REPS2: variants seen among roughly 807,000 people sequenced by gnomAD.
The protein encoded by REPS2 is ralBP1-associated Eps domain-containing protein 2.
Under a neutral mutation model 53.6 loss-of-function variants are expected in REPS2, and 23 were observed. The ratio of observed to expected loss-of-function variants is 0.43; its 90% confidence interval spans 0.31 to 0.61. The LOEUF (loss-of-function observed/expected upper bound fraction) is 0.61. Ranked by LOEUF, REPS2 falls within the 20% of genes least tolerant of loss-of-function variation. The pLI is 0.11. For synonymous variants in REPS2, 238 were observed against 218.6 expected (o/e 1.09, Z -0.78); for missense variants, 446 against 534.9 (o/e 0.83, Z 1.64).
At chrX:16,997,861 A>G (rs1009496789) in intron 1 of REPS2, among the ~76,000 whole-genome samples, 7 of 111,788 alleles carry the variant, frequency 6.3e-5, no homozygotes, top group African/African-American at 2.3e-4. Context: ...TGAGTATAGA[A>G]TTTCTTTGAA....
downstream of REPS2, among the ~76,000 whole-genome samples, chrX:17,157,451 T>G (rs2063622494): frequency 8.9e-6 from 1 of 112,262 alleles, no homozygotes. Context: ...CCCTTACTGT[T>G]TCCATTATGG....
the REPS2 span, among the ~76,000 whole-genome samples, chrX:17,158,407 C>T: frequency 9.0e-6 from 1 of 110,938 alleles, no homozygotes; most frequent in Non-Finnish European, 1.9e-5. Context: ...AATTGGATAT[C>T]CACATGGAAA....
intron 5 of REPS2, 22 bp from the exon 6 acceptor site, chrX:17,047,325 A>G (rs1203398567): frequency 2.5e-6 from 3 of 1,205,466 alleles, no homozygotes; most frequent in African/African-American, 3.5e-5. Context: ...CTGAGCATTT[A>G]CTTTTTAATT....
At chrX:17,085,784 T>G (rs2062525987) in intron 13 of REPS2, among the ~76,000 whole-genome samples, 1 of 111,939 alleles carries the variant, frequency 8.9e-6, no homozygotes, top group South Asian at 3.7e-4. Context: ...CATATTATTT[T>G]GAAGCAAATC....
At chrX:17,048,049 C>G (rs112353148) in intron 6 of REPS2, among the ~76,000 whole-genome samples, 2,910 of 112,435 alleles carry the variant, frequency 0.026, 100 homozygotes, top group African/African-American at 0.091. Flanking sequence ...AATTCAAGCT[C>G]AGAGGAACTG....
chrX:17,134,235 T>C (rs2063331856), intron 15 of REPS2, among the ~76,000 whole-genome samples: 1 of 112,012 alleles, frequency 8.9e-6, no homozygotes, highest in African/African-American at 3.2e-5. Context: ...GCTAAGCCTC[T>C]GTGAATACCT....
At chrX:17,146,122 A>G (rs1687200015) in intron 17 of REPS2, among the ~76,000 whole-genome samples, 1 of 107,815 alleles carries the variant, frequency 9.3e-6, no homozygotes, top group Non-Finnish European at 1.9e-5. Context: ...AAAAAAAAAA[A>G]AAAGAAAGAA....
chrX:17,050,141 C>CCTTT (rs774556038), intron 6 of REPS2, among the ~76,000 whole-genome samples: 882 of 20,427 alleles, frequency 0.043, 59 homozygotes, highest in Non-Finnish European at 0.061. Flanking sequence ...TTCCTTTCTT[C>CCTTT]CTTTCTTTCT....
At chrX:16,976,388 AT>A (rs2060955383) in intron 1 of REPS2, among the ~76,000 whole-genome samples, 1 of 110,640 alleles carries the variant, frequency 9.0e-6, no homozygotes, top group Non-Finnish European at 1.9e-5. Flanking sequence ...GAGAGGTGAA[AT>A]TATTCCTCTA....
At chrX:16,949,987 A>C (rs1279245728) in intron 1 of REPS2, among the ~76,000 whole-genome samples, 1 of 111,247 alleles carries the variant, frequency 9.0e-6, no homozygotes, top group African/African-American at 3.3e-5. Flanking sequence ...AGTATCATAC[A>C]GAATAGTTTC....
rs1569206161 is a variant in REPS2 at position 17,151,274 on chromosome X, C to T, written c.*3793C>T. 1 of 112,162 alleles carries T rather than the reference C, an allele frequency of 8.9e-6. No individual in the cohort carries two copies. Among genetic ancestry groups the T allele is most frequent in the Non-Finnish European group, 1.9e-5 (1 of 53,213 alleles). 9.2% of individuals were successfully genotyped at this position (112,162 alleles called of 1,213,427 possible). On this transcript the variant is annotated 3_prime_UTR_variant, in exon 18 of 18. Coordinates refer to ENST00000357277, the MANE Select transcript of REPS2 (RefSeq NM_004726.3). Reference sequence around the variant, plus strand: ...GTGAGTAATCAAAAATGTGAATTTGCCTTTGATTTCCTACCACTGTCTGAG... The same window carrying T: ...GTGAGTAATCAAAAATGTGAATTTGTCTTTGATTTCCTACCACTGTCTGAG...
chrX:17,024,363 G>GTTTT (rs900082438), intron 3 of REPS2, among the ~76,000 whole-genome samples: 25 of 71,676 alleles, frequency 3.5e-4, no homozygotes, highest in African/African-American at 8.6e-4. Context: ...TACTAGTAAA[G>GTTTT]TTTTTTTTTT....
At chrX:17,117,624 A>G (rs1390979873) in intron 14 of REPS2, among the ~76,000 whole-genome samples, 2 of 110,691 alleles carry the variant, frequency 1.8e-5, no homozygotes, top group African/African-American at 6.6e-5. Flanking sequence ...TTATGGCTGC[A>G]TAGTATTCCA....
intron 1 of REPS2, among the ~76,000 whole-genome samples, chrX:16,968,443 C>T (rs761839031): frequency 0.02 from 2,143 of 107,187 alleles, 21 homozygotes; most frequent in Middle Eastern, 0.048. Context: ...CCTCACCTCC[C>T]GGACGGGGCG....
intron 13 of REPS2, among the ~76,000 whole-genome samples, chrX:17,088,588 C>CTTT (rs137985831): frequency 1.1e-5 from 1 of 94,143 alleles, no homozygotes. Context: ...TCTTTCTTTC[C>CTTT]TTTTTTTTTT....
At chrX:17,092,998 G>A (rs1401802678) in intron 13 of REPS2, among the ~76,000 whole-genome samples, 2 of 102,494 alleles carry the variant, frequency 2.0e-5, no homozygotes, top group Non-Finnish European at 3.9e-5. Flanking sequence ...CTAAACATAA[G>A]GCAGTGTGTT....
chrX:17,009,355 A>G (rs778540520), intron 2 of REPS2, among the ~76,000 whole-genome samples: 3 of 110,586 alleles, frequency 2.7e-5, no homozygotes, highest in Non-Finnish European at 3.8e-5. Flanking sequence ...TTTTGTAGAG[A>G]TGGGGTTTTG....
intron 9 of REPS2, among the ~76,000 whole-genome samples, chrX:17,063,363 G>A (rs904973363): frequency 2.7e-5 from 3 of 111,702 alleles, no homozygotes; most frequent in African/African-American, 9.8e-5. Context: ...CAAAGTCAGG[G>A]AACAGGGACA....
chrX:17,091,865 A>C (rs931396561), intron 13 of REPS2, among the ~76,000 whole-genome samples: 1 of 112,171 alleles, frequency 8.9e-6, no homozygotes, highest in Non-Finnish European at 1.9e-5. Flanking sequence ...CATTTTTATG[A>C]ACTTGCCAAG....
Sources: gnomAD v4.1 joint callset for allele counts (sites outside exome capture counted in the v4.1 genomes callset) on GRCh38, gnomAD v4.1.1 for gene constraint, MANE v1.5 for transcripts, NCBI Gene and HGNC (gene_info 2026-07-23, HGNC 2026-07-21) for gene names.